The following ABR variants were observed in gnomAD, a reference collection of about 807,000 sequenced individuals.
ABR encodes the protein active breakpoint cluster region-related protein.
A neutral mutation model predicts 107.2 loss-of-function variants in ABR; 35 were observed. The observed-to-expected ratio is 0.33, with a 90% CI of 0.25 to 0.43. The LOEUF is 0.43. ABR is among the 20% of genes least tolerant of loss of function. ABR has a pLI of 1.00. For missense variants in ABR, 815 were observed against 1,115.2 expected (o/e 0.73, Z 3.83); for synonymous variants, 498 against 462.0 (o/e 1.08, Z -1.00).
At chr17:1,161,063 CT>C (rs1337165215) in intron 1 of ABR, among the ~76,000 whole-genome samples, 1 of 152,140 alleles carries the variant, frequency 6.6e-6, no homozygotes, top group Non-Finnish European at 1.5e-5. Flanking sequence ...ACCATCCCTT[CT>C]CAGGGATACA....
At chr17:1,024,846 G>A (rs1369650067) in intron 16 of ABR, among the ~76,000 whole-genome samples, 5 of 151,394 alleles carry the variant, frequency 3.3e-5, no homozygotes, top group Non-Finnish European at 5.9e-5. Context: ...TAGGCCTGGC[G>A]CAGTGACTCA....
chr17:1,021,933 CG>C, intron 16 of ABR, among the ~76,000 whole-genome samples: 1 of 151,498 alleles, frequency 6.6e-6, no homozygotes, highest in African/African-American at 2.4e-5. Flanking sequence ...CAGAGGCGGG[CG>C]GATCACTCGA....
At position 1,084,238 on chromosome 17, in the gene ABR, A is replaced by T. The variant is rs558799940; in HGVS notation, c.532-611T>A. Among the ~76,000 whole-genome samples, 1 of 152,206 alleles carries T rather than the reference A, an allele frequency of 6.6e-6. No homozygotes were observed. Among genetic ancestry groups the T allele is most frequent in the African/African-American group, 2.4e-5 (1 of 41,464 alleles). On this transcript the variant is annotated intron_variant, in intron 4 of 22. Transcript: ENST00000302538. The surrounding 1 kb of genome is among the most constrained non-coding windows in gnomAD (Gnocchi z 4.2). ...CTAAAAATACAAAAATTAGCTGGGCATGGTGGCGCGTGCCTGTAATCCCAG... is the reference window on the plus strand; with the variant it reads ...CTAAAAATACAAAAATTAGCTGGGCTTGGTGGCGCGTGCCTGTAATCCCAG...
chr17:1,187,855 C>T (rs1455866158), upstream of ABR, among the ~76,000 whole-genome samples: 4 of 151,862 alleles, frequency 2.6e-5, no homozygotes, highest in Non-Finnish European at 5.9e-5. Context: ...GATCATGCCA[C>T]CGCACTCCAA....
intron 3 of ABR, among the ~76,000 whole-genome samples, chr17:1,093,215 T>G (rs1288991054): frequency 6.6e-6 from 1 of 150,562 alleles, no homozygotes; most frequent in African/African-American, 2.4e-5. Context: ...ACACCTGTCA[T>G]CCTAGCACTT....
At chr17:1,153,761 G>A (rs1163944094) in intron 1 of ABR, 266 of 140,012 alleles carry the variant, frequency 1.9e-3, no homozygotes, top group South Asian at 5.4e-3. Flanking sequence ...CGGGAGGGCT[G>A]GGGGTCCAGG....
intron 1 of ABR, among the ~76,000 whole-genome samples, chr17:1,170,222 G>A (rs565504417): frequency 6.6e-6 from 1 of 152,196 alleles, no homozygotes; most frequent in Non-Finnish European, 1.5e-5. Flanking sequence ...GGGCTTGGGG[G>A]CAAGACGCAG....
chr17:1,040,439 T>C (rs1297058364), intron 16 of ABR, among the ~76,000 whole-genome samples: 1 of 152,176 alleles, frequency 6.6e-6, no homozygotes, highest in Non-Finnish European at 1.5e-5. Context: ...CCGTGCTGGG[T>C]CATGGCAGGG....
In ABR at chr17:1,005,858, T is replaced by C. The variant is rs1008538170; in HGVS notation, c.*222A>G. On this transcript the variant is annotated 3_prime_UTR_variant, in exon 23 of 23. Transcript: ENST00000302538. Reference sequence around the variant, plus strand: ...GGAGCATCAGACACAACTAGAGGTATGGAGGGCAGGAGGTGGGATGCGGTG... The same window carrying C: ...GGAGCATCAGACACAACTAGAGGTACGGAGGGCAGGAGGTGGGATGCGGTG... The C allele has an allele frequency of 1.0e-5, 6 of 597,110 alleles. No individual in the cohort carries two copies. The highest frequency in any genetic ancestry group is 7.4e-5 in the African/African-American group (4 of 53,788). 37.0% of individuals were successfully genotyped at this position (597,110 alleles called of 1,614,324 possible). A position where few individuals can be genotyped will look rare whatever the true frequency, so the allele number is the denominator to read the frequency against.
chr17:1,072,851 C>G, intron 7 of ABR, 97 bp from the exon 8 acceptor site: 2 of 1,368,988 alleles, frequency 1.5e-6, no homozygotes, highest in Admixed American at 3.3e-5. Context: ...GGTGGGCACT[C>G]AGGGACCTGC....
chr17:1,221,011 A>G (rs1050137378), intron 1 of ABR, among the ~76,000 whole-genome samples: 4 of 152,188 alleles, frequency 2.6e-5, no homozygotes, highest in African/African-American at 9.7e-5. Flanking sequence ...TTATTTGTTT[A>G]CTGACTCAAT....
chr17:1,090,572 C>T (rs113819118), intron 4 of ABR, among the ~76,000 whole-genome samples: 3 of 152,094 alleles, frequency 2.0e-5, no homozygotes, highest in African/African-American at 7.2e-5. Flanking sequence ...CTGAAGCACT[C>T]GGTGAGGTAA....
chr17:1,070,592 T>C lies in ABR; in HGVS notation c.895-502A>G, dbSNP rs1261701949. Among the ~76,000 whole-genome samples, 3 of 150,870 alleles carry C rather than the reference T, an allele frequency of 2.0e-5. No homozygotes were observed. The highest frequency in any genetic ancestry group is 4.4e-5 in the Non-Finnish European group (3 of 67,706). ...CCGAGACCCGAGACCCGAGACCCAC[T>C]CAGGCCTGTCTGTGCTACTCCTCCC... On this transcript the variant is annotated intron_variant, in intron 8 of 22. Coordinates refer to ENST00000302538, the MANE Select transcript of ABR (RefSeq NM_021962.5). The surrounding 1 kb of genome is among the most constrained non-coding windows in gnomAD (Gnocchi z 4.2).
At chr17:1,023,896 A>G (rs966862752) in intron 16 of ABR, among the ~76,000 whole-genome samples, 1 of 152,022 alleles carries the variant, frequency 6.6e-6, no homozygotes, top group East Asian at 1.9e-4. Context: ...GTGGTGGCAC[A>G]TGCCTGTAAA....
chr17:1,171,587 C>A (rs1274891191), intron 1 of ABR, among the ~76,000 whole-genome samples: 5 of 152,168 alleles, frequency 3.3e-5, no homozygotes, highest in African/African-American at 4.8e-5. Context: ...CCATGTCCAC[C>A]TGTGACCTAG....
At chr17:1,175,127 C>G (rs1412764424) in intron 1 of ABR, among the ~76,000 whole-genome samples, 2 of 152,206 alleles carry the variant, frequency 1.3e-5, no homozygotes, top group Non-Finnish European at 2.9e-5. Context: ...ACCAAGAAAA[C>G]ATGGCCGGGC....
At chr17:1,141,882 C>T (rs898841467) in intron 1 of ABR, among the ~76,000 whole-genome samples, 3 of 152,032 alleles carry the variant, frequency 2.0e-5, no homozygotes, top group African/African-American at 2.4e-5. Context: ...CCTCAGTCTC[C>T]TGAGTAGCTG....
intron 1 of ABR, among the ~76,000 whole-genome samples, chr17:1,192,774 C>T (rs1228660266): frequency 6.6e-6 from 1 of 152,022 alleles, no homozygotes; most frequent in Non-Finnish European, 1.5e-5. Flanking sequence ...AATAGCTGGG[C>T]GTGGTGGAAG....
chr17:1,158,149 C>G (rs1162337743), intron 1 of ABR, among the ~76,000 whole-genome samples: 3 of 152,112 alleles, frequency 2.0e-5, no homozygotes, highest in African/African-American at 7.2e-5. Flanking sequence ...GAGCTACAGG[C>G]AGGAGCGAAG....
Sources: gnomAD v4.1 joint callset for allele counts (sites outside exome capture counted in the v4.1 genomes callset) on GRCh38, gnomAD v4.1.1 for gene constraint, Gnocchi (gnomAD v3.1) non-coding constraint, MANE v1.5 for transcripts, NCBI Gene and HGNC (gene_info 2026-07-23, HGNC 2026-07-21) for gene names.